NDFIP1: variants seen among roughly 807,000 people sequenced by gnomAD.
NDFIP1 encodes Nedd4 family interacting protein 1, also known as NEDD4 family-interacting protein 1.
Under a neutral mutation model 28.8 loss-of-function variants are expected in NDFIP1, and 7 were observed. The ratio of observed to expected loss-of-function variants is 0.24; its 90% CI spans 0.14 to 0.46. The LOEUF (loss-of-function observed/expected upper bound fraction) is 0.46. Ranked by LOEUF, NDFIP1 falls within the 20% of genes least tolerant of loss-of-function variation. The pLI is 0.99. For synonymous variants in NDFIP1, 92 were observed against 101.0 expected, an observed-to-expected ratio of 0.91 and a Z score of 0.53; for missense variants, 194 against 269.1, an observed-to-expected ratio of 0.72 and a Z score of 1.95.
At chr5:142,116,341 TC>T (rs1288698497) in intron 1 of NDFIP1, among the ~76,000 whole-genome samples, 28 of 119,392 alleles carry the variant, frequency 2.3e-4, no homozygotes, top group African/African-American at 9.8e-4. Context: ...CTTCCTTCCT[TC>T]CTTCCTTCTT....
chr5:142,115,817 C>T (rs566147437), intron 1 of NDFIP1, among the ~76,000 whole-genome samples: 12 of 152,124 alleles, frequency 7.9e-5, no homozygotes, highest in African/African-American at 2.9e-4. Context: ...TCTGGGTATC[C>T]ACAGGTTCTA....
chr5:142,133,879 G>C (rs1191395557), intron 3 of NDFIP1, among the ~76,000 whole-genome samples: 1 of 152,158 alleles, frequency 6.6e-6, no homozygotes, highest in Admixed American at 6.5e-5. Context: ...AAGAGCAGTG[G>C]GCATCAAGAA....
At chr5:142,115,465 C>G (rs11955862) in intron 1 of NDFIP1, among the ~76,000 whole-genome samples, 142,440 of 152,044 alleles carry the variant, frequency 0.94, 66,784 homozygotes, top group East Asian at 1. Flanking sequence ...TTGTATTTTT[C>G]GTAGAGATGG....
intron 7 of NDFIP1, among the ~76,000 whole-genome samples, chr5:142,146,670 A>G (rs1272993078): frequency 6.6e-6 from 1 of 152,178 alleles, no homozygotes; most frequent in African/African-American, 2.4e-5. Flanking sequence ...GAATTTCTAA[A>G]TGGACTGAGA....
At chr5:142,150,176 GTC>G (rs1757430678) in intron 7 of NDFIP1, among the ~76,000 whole-genome samples, 1 of 54,154 alleles carries the variant, frequency 1.8e-5, no homozygotes, top group Admixed American at 2.4e-4. Flanking sequence ...GCGGGACTCC[GTC>G]TCAAAAAAAA....
intron 5 of NDFIP1, chr5:142,138,171 G>C (rs1175455257): frequency 1.2e-5 from 2 of 168,006 alleles, no homozygotes; most frequent in Non-Finnish European, 2.5e-5. Context: ...TAAAAGGAAG[G>C]ATATTACCCC....
Position 142,113,082 on chromosome 5 carries a change from G to A in NDFIP1, c.63+4045G>A, listed in dbSNP as rs147328868. Among the ~76,000 whole-genome samples the A allele has an allele frequency of 5.9e-3, 891 of 152,274 alleles. 8 individuals carry two copies. Among genetic ancestry groups the A allele is most frequent in the African/African-American group, 0.018 (755 of 41,550 alleles). On this transcript the variant is annotated intron_variant, in intron 1 of 7. Transcript: ENST00000253814. ...TTGGATTTGAATTCAATGTAAGTGGGTGATGATGACACTGCCATGTAGGTT... is the reference window on the plus strand; with the variant it reads ...TTGGATTTGAATTCAATGTAAGTGGATGATGATGACACTGCCATGTAGGTT...
In NDFIP1 at chr5:142,153,436, G is replaced by A. The variant is rs775807828; in HGVS notation, c.*1708G>A. The A allele has an allele frequency of 8.8e-6, 4 of 456,840 alleles. No homozygotes were observed. The highest frequency in any genetic ancestry group is 1.8e-5 in the Non-Finnish European group (4 of 226,896). 28.3% of individuals were successfully genotyped at this position (456,840 alleles called of 1,614,324 possible). ...TCAGGATATCAGTATATAATGCACA[G>A]AAGTGTGGGTTGTTTGAAAGCCAAA... On this transcript the variant is annotated 3_prime_UTR_variant, in exon 8 of 8. Transcript: ENST00000253814.
In NDFIP1 at chr5:142,151,755, G is replaced by T. The variant is rs1280783696; in HGVS notation, c.*27G>T. ...GATGTTTTCTGGCAAAGGCCTTCCT[G>T]CATTTATGAATTCTCTCTCAAGAAG... On this transcript the variant is annotated 3_prime_UTR_variant, in exon 8 of 8. Coordinates refer to ENST00000253814, the MANE Select transcript of NDFIP1 (RefSeq NM_030571.4). 7.2e-5 allele frequency: 11 copies of T among 152,662 alleles called. No individual in the cohort carries two copies. The highest frequency in any genetic ancestry group is 7.2e-4 in the Admixed American group (11 of 15,278). 9.5% of individuals were successfully genotyped at this position (152,662 alleles called of 1,614,324 possible).
At chr5:142,121,588 G>A (rs532783425) in intron 1 of NDFIP1, among the ~76,000 whole-genome samples, 14 of 152,224 alleles carry the variant, frequency 9.2e-5, no homozygotes, top group African/African-American at 3.4e-4. Flanking sequence ...TAGTTGCTTT[G>A]TAAGGCCATG....
intron 1 of NDFIP1, among the ~76,000 whole-genome samples, chr5:142,120,719 C>G (rs1028839561): frequency 1.3e-5 from 2 of 152,144 alleles, no homozygotes; most frequent in African/African-American, 4.8e-5. Flanking sequence ...GTCCCCAGAC[C>G]CCACATCAGT....
At chr5:142,111,617 G>T (rs1757015156) in intron 1 of NDFIP1, among the ~76,000 whole-genome samples, 1 of 152,140 alleles carries the variant, frequency 6.6e-6, no homozygotes, top group Non-Finnish European at 1.5e-5. Flanking sequence ...ATTTGATCTG[G>T]TTAATCAAAT....
chr5:142,131,844 G>C lies in NDFIP1; in HGVS notation c.100G>C (p.Ala34Pro). The C allele has an allele frequency of 6.2e-7, 1 of 1,601,548 alleles. No homozygotes were observed. Among genetic ancestry groups the C allele is most frequent in the Non-Finnish European group, 8.5e-7 (1 of 1,176,234 alleles). ...AGAAGAGTCTGGAGAACCTGAACAG[G>C]CTGCAGGTGATGCTCCTCCACCTTA... ...NEEESGEPEQ[A>P]AGDAPPPYSS... The change falls in exon 2 of 8, where the codon GCT (alanine) becomes CCT (proline). Residue 34 changes from alanine to proline, a missense_variant. Ala to Pro is a conservative substitution (Grantham distance 27, BLOSUM62 -1). Transcript: ENST00000253814.
intron 1 of NDFIP1, among the ~76,000 whole-genome samples, chr5:142,124,526 A>G (rs1206505856): frequency 6.6e-6 from 1 of 152,246 alleles, no homozygotes. Context: ...ATACATATTA[A>G]CAGTGATGAT....
chr5:142,142,056 G>C (rs1757337622), intron 6 of NDFIP1, among the ~76,000 whole-genome samples: 1 of 152,108 alleles, frequency 6.6e-6, no homozygotes, highest in Admixed American at 6.5e-5. Flanking sequence ...AGGACCCCTT[G>C]AGCCCAGGAG....
chr5:142,113,844 G>A (rs1757039109), intron 1 of NDFIP1, among the ~76,000 whole-genome samples: 1 of 152,152 alleles, frequency 6.6e-6, no homozygotes, highest in South Asian at 2.1e-4. Flanking sequence ...TTAGCATAAT[G>A]TCTTCAGAGT....
At chr5:142,128,963 A>G (rs760577705) in intron 1 of NDFIP1, among the ~76,000 whole-genome samples, 6 of 152,154 alleles carry the variant, frequency 3.9e-5, no homozygotes, top group Non-Finnish European at 8.8e-5. Flanking sequence ...ATTGTCATAG[A>G]AGACCTCTTA....
intron 1 of NDFIP1, among the ~76,000 whole-genome samples, chr5:142,115,695 A>G (rs933525428): frequency 2.0e-5 from 3 of 152,162 alleles, no homozygotes; most frequent in East Asian, 1.9e-4. Flanking sequence ...ATTGTTGCCA[A>G]TAAGCTAGGC....
chr5:142,130,336 T>C (rs946959679), intron 1 of NDFIP1, among the ~76,000 whole-genome samples: 1 of 152,196 alleles, frequency 6.6e-6, no homozygotes, highest in African/African-American at 2.4e-5. Context: ...AAGATTTGAC[T>C]GGCAGAAAAG....
Sources: gnomAD v4.1 joint callset for allele counts (sites outside exome capture counted in the v4.1 genomes callset) on GRCh38, gnomAD v4.1.1 for gene constraint, MANE v1.5 for transcripts, NCBI Gene and HGNC (gene_info 2026-07-23, HGNC 2026-07-21) for gene names.